The following IL16 variants were observed in gnomAD, a reference collection of about 807,000 sequenced individuals.
IL16 encodes the protein interleukin 16, also known as pro-interleukin-16.
In IL16, 67 loss-of-function variants were observed where a neutral mutation model predicts 110.1. The ratio of observed to expected loss-of-function variants is 0.61; its 90% CI spans 0.50 to 0.75. IL16 has a LOEUF of 0.75. Among genes scored for constraint, IL16 ranks in the 30% least tolerant of loss-of-function variants. The probability of loss-of-function intolerance (pLI) is 0.00; values close to 1 mark genes in which losing one functional copy is unlikely to be tolerated. For missense variants in IL16, 1,545 were observed against 1,655.0 expected (o/e 0.93, Z 1.15); for synonymous variants, 689 against 662.9 (o/e 1.04, Z -0.61).
chr15:81,307,369 G>A (rs1482983139), intron 18 of IL16, among the ~76,000 whole-genome samples: 1 of 152,108 alleles, frequency 6.6e-6, no homozygotes, highest in Non-Finnish European at 1.5e-5. Flanking sequence ...GTGTCTGAGG[G>A]CTCTTAGGAC....
intron 2 of IL16, among the ~76,000 whole-genome samples, chr15:81,253,057 T>C (rs1033608849): frequency 6.6e-6 from 1 of 152,184 alleles, no homozygotes; most frequent in Non-Finnish European, 1.5e-5. Context: ...GACACTGTTT[T>C]CCAAACCCCC....
chr15:81,216,079 AGCCC>A (rs1896419004), intron 1 of IL16, among the ~76,000 whole-genome samples: 1 of 152,226 alleles, frequency 6.6e-6, no homozygotes, highest in Admixed American at 6.5e-5. Context: ...CAGGGAAGCC[AGCCC>A]TGCTCTCTCC....
intron 12 of IL16, among the ~76,000 whole-genome samples, chr15:81,293,600 C>T (rs1183257147): frequency 6.6e-6 from 1 of 152,156 alleles, no homozygotes; most frequent in Admixed American, 6.5e-5. Flanking sequence ...ACGCAGGAGG[C>T]TGAGGCAGGG....
intron 9 of IL16, among the ~76,000 whole-genome samples, chr15:81,284,981 A>C (rs892135491): frequency 2.0e-5 from 3 of 152,186 alleles, no homozygotes; most frequent in African/African-American, 4.8e-5. Flanking sequence ...GATCAGGGAA[A>C]TCTATTCAAC....
intron 2 of IL16, among the ~76,000 whole-genome samples, chr15:81,227,951 G>C (rs1300254912): frequency 6.6e-6 from 1 of 152,156 alleles, no homozygotes; most frequent in Admixed American, 6.5e-5. Flanking sequence ...GCACCTGGGG[G>C]TAGTAGGGGA....
intron 2 of IL16, among the ~76,000 whole-genome samples, chr15:81,235,233 T>A (rs1424092553): frequency 1.3e-5 from 2 of 152,192 alleles, no homozygotes; most frequent in African/African-American, 2.4e-5. Context: ...TACCTGAGAC[T>A]GGGTAATTTT....
At chr15:81,185,274 T>A (rs1443087442) in intron 1 of IL16, among the ~76,000 whole-genome samples, 7 of 152,190 alleles carry the variant, frequency 4.6e-5, no homozygotes, top group Non-Finnish European at 8.8e-5. Context: ...CTCCTCCTAA[T>A]TTCCTATTTA....
Position 81,313,322 on chromosome 15 carries a change from G to C in IL16, c.*4524G>C. The C allele has an allele frequency of 6.3e-7, 1 of 1,579,678 alleles. No homozygotes were observed. ...AAAACCGGGTCATGCTGCGGGGGAA[G>C]AAGGAGTCCACCACGTTCTGTGGGA... On this transcript the variant is annotated 3_prime_UTR_variant, in exon 19 of 19. Coordinates refer to ENST00000683961, the MANE Select transcript of IL16 (RefSeq NM_172217.5).
chr15:81,283,362 A>G (rs1386423649), intron 9 of IL16, among the ~76,000 whole-genome samples: 1 of 143,750 alleles, frequency 7.0e-6, no homozygotes, highest in Non-Finnish European at 1.6e-5. Context: ...AAAAAACCCC[A>G]AAAACCAAAC....
At position 81,292,686 on chromosome 15, in the gene IL16, G is replaced by A. The variant is rs904521987; in HGVS notation, c.1551G>A (p.Met517Ile). ...MIRSSSDSSY[M>I]SGSPGGSPGS... Reference sequence around the variant, plus strand: ...GCTCCAGCAGTGACAGCAGCTACATGTCTGGGTCCCCAGGGGGAAGTCCTG... The same window carrying A: ...GCTCCAGCAGTGACAGCAGCTACATATCTGGGTCCCCAGGGGGAAGTCCTG... The change falls in exon 12 of 19, where the codon ATG (methionine) becomes ATA (isoleucine). Residue 517 changes from methionine (M) to isoleucine (I), a missense_variant. Physicochemically the swap from Met to Ile is conservative, Grantham distance 10. Transcript: ENST00000683961. 3.7e-6 allele frequency: 6 copies of A among 1,614,056 alleles called. No homozygotes were observed. In the African/African-American group the frequency reaches 5.3e-5, roughly 14 times the overall value.
At chr15:81,287,497 C>T (rs1264806135) in intron 10 of IL16, among the ~76,000 whole-genome samples, 1 of 152,166 alleles carries the variant, frequency 6.6e-6, no homozygotes, top group African/African-American at 2.4e-5. Context: ...ATTATTTAAT[C>T]TTAATATGCA....
At chr15:81,219,500 T>C (rs534014173) in intron 1 of IL16, among the ~76,000 whole-genome samples, 166 of 152,210 alleles carry the variant, frequency 1.1e-3, no homozygotes, top group Middle Eastern at 0.01. Flanking sequence ...TCCTGACTTA[T>C]CCTGTGCCCC....
At chr15:81,228,811 T>C (rs1045802584) in intron 2 of IL16, among the ~76,000 whole-genome samples, 1 of 152,228 alleles carries the variant, frequency 6.6e-6, no homozygotes, top group African/African-American at 2.4e-5. Flanking sequence ...GGCTCATTAA[T>C]CTGACTGCCT....
At chr15:81,295,540 C>T (rs1193299941) in intron 12 of IL16, 6 of 1,273,478 alleles carry the variant, frequency 4.7e-6, no homozygotes, top group Non-Finnish European at 5.1e-6. Context: ...AATTTCATCC[C>T]CATGTAATTT....
chr15:81,212,767 C>T (rs573802577), intron 1 of IL16, among the ~76,000 whole-genome samples: 15 of 152,248 alleles, frequency 9.9e-5, no homozygotes, highest in East Asian at 3.9e-4. Flanking sequence ...CCACCATGCC[C>T]GGCCCTTCTC....
chr15:81,297,587 C>G (rs1900050998), intron 13 of IL16, among the ~76,000 whole-genome samples: 1 of 152,170 alleles, frequency 6.6e-6, no homozygotes, highest in South Asian at 2.1e-4. Context: ...TATTTGCTTG[C>G]TAGAGAGAGC....
chr15:81,197,901 T>G (rs1171029326), intron 1 of IL16, among the ~76,000 whole-genome samples: 1 of 151,956 alleles, frequency 6.6e-6, no homozygotes, highest in Non-Finnish European at 1.5e-5. Context: ...GACCCCTTTG[T>G]CCCAGGAGGC....
chr15:81,232,042 G>GTTTTTTTTTTTTTTTTTTTTTTTTTTTTT, intron 2 of IL16, among the ~76,000 whole-genome samples: 19 of 57,692 alleles, frequency 3.3e-4, no homozygotes, highest in East Asian at 4.9e-4. Context: ...ATTTGTTCTT[G>GTTTTTTTTTTTTTTTTTTTTTTTTTTTTT]TTTTTTTTTT....
intron 6 of IL16, among the ~76,000 whole-genome samples, chr15:81,275,977 G>C (rs746279110): frequency 5.3e-5 from 8 of 152,194 alleles, no homozygotes; most frequent in Non-Finnish European, 8.8e-5. Flanking sequence ...AAAAAGCCCA[G>C]AGCTGGGCTG....
Sources: allele counts gnomAD v4.1 joint callset (sites outside exome capture counted in the v4.1 genomes callset), GRCh38; gene constraint gnomAD v4.1.1; transcripts MANE v1.5; gene names NCBI Gene and HGNC (gene_info 2026-07-23, HGNC 2026-07-21).